Variants in CEP68 observed in about 807,000 individuals in gnomAD.
The protein encoded by CEP68 is centrosomal protein 68.
CEP68 carries 26 observed loss-of-function variants against 55.3 expected under a neutral mutation model. That is an observed-to-expected ratio of 0.47 (90% CI 0.34 to 0.65). CEP68 has a LOEUF of 0.65. Among genes scored for constraint, CEP68 ranks in the 30% least tolerant of loss-of-function variants. The pLI, the probability that CEP68 is intolerant of heterozygous loss-of-function variation, is 0.01. For missense variants in CEP68, 957 were observed against 946.7 expected (o/e 1.01, Z -0.14); for synonymous variants, 402 against 383.2 (o/e 1.05, Z -0.57).
At position 65,072,731 on chromosome 2, in the gene CEP68, C is replaced by G; in HGVS notation, c.1635C>G (p.Leu545=). The G allele has an allele frequency of 6.2e-7, 1 of 1,614,140 alleles. No homozygotes were observed. The highest frequency in any genetic ancestry group is 8.5e-7 in the Non-Finnish European group (1 of 1,180,018). The part of the protein sequence containing the change: ...SQSQLPPGAA[L]QGSGDPEGQN... ...GCCAGCTTCCCCCTGGAGCTGCCCT[C>G]CAAGGATCTGGGGATCCTGAGGGCC... The change falls in exon 3 of 7, where the codon CTC becomes CTG. Residue 545 remains leucine, a synonymous_variant. Coordinates refer to ENST00000377990, the MANE Select transcript of CEP68 (RefSeq NM_015147.3).
Position 65,072,020 on chromosome 2 carries a change from A to G in CEP68, c.924A>G (p.Pro308=). The G allele has an allele frequency of 6.2e-7, 1 of 1,612,116 alleles. No homozygotes were observed. Among genetic ancestry groups the G allele is most frequent in the East Asian group, 2.2e-5 (1 of 44,772 alleles). ...AAGATCTGCTTGACTATACTTACCC[A>G]CTGAGGCCCGGGCCTCAGCTCCCAA... is the stretch of plus-strand genomic sequence containing the variant. ...EYEDLLDYTY[P]LRPGPQLPKH... The change falls in exon 3 of 7, where the codon CCA becomes CCG. Residue 308 remains proline (P), a synonymous_variant. Transcript: ENST00000377990.
rs1256418828 is a variant in CEP68, at chr2:65,074,331, C to T, written c.1934C>T (p.Ala645Val). Residue 645 changes from alanine to valine, a missense_variant, in exon 4 of 7, where the codon GCA (alanine) becomes GTA (valine). By Grantham distance (64) the Ala-to-Val change is moderately conservative. Coordinates refer to ENST00000377990, the MANE Select transcript of CEP68 (RefSeq NM_015147.3). ...CTGATCTGCTGGCTGTATAATGTTG[C>T]AGATGTTACTGACCACGGGACTGCA... is the stretch of plus-strand genomic sequence containing the variant. ...EELICWLYNV[A>V]DVTDHGTAAR... is the part of the protein sequence containing the mutation. 6 of 1,614,226 alleles carry T rather than the reference C, an allele frequency of 3.7e-6. No individual in the cohort carries two copies. The highest frequency in any genetic ancestry group is 5.1e-6 in the Non-Finnish European group (6 of 1,180,038).
At chr2:65,081,336 T>C (rs1244930027) in intron 5 of CEP68, among the ~76,000 whole-genome samples, 1 of 152,230 alleles carries the variant, frequency 6.6e-6, no homozygotes, top group Non-Finnish European at 1.5e-5. Flanking sequence ...GACAGCACTT[T>C]GCCCTGATGA....
rs1676658068 is a variant in CEP68, at chr2:65,074,357, GC to G, written c.1962del (p.Arg655GlyfsTer21). ...VADVTDHGTAARSNLTSLKSS... is the reference protein window; with the variant it reads ...VADVTDHGTAXRSNLTSLKSS... ...AGATGTTACTGACCACGGGACTGCAGCCAGGTCCAATCTTACAAGTCTCAAG... is the reference window on the plus strand; with the variant it reads ...AGATGTTACTGACCACGGGACTGCAGCAGGTCCAATCTTACAAGTCTCAAG... On this transcript the variant is annotated frameshift_variant, in exon 4 of 7. Transcript: ENST00000377990. LOFTEE classifies it high-confidence loss of function. The G allele has an allele frequency of 1.2e-6, 2 of 1,614,200 alleles. No homozygotes were observed. The highest frequency in any genetic ancestry group is 2.7e-5 in the African/African-American group (2 of 75,068).
intron 4 of CEP68, among the ~76,000 whole-genome samples, chr2:65,077,453 G>A (rs1676818950): frequency 1.3e-5 from 2 of 152,212 alleles, no homozygotes; most frequent in South Asian, 2.1e-4. Flanking sequence ...GGAGGGAGGA[G>A]CAGAGGTAGA....
In CEP68 at chr2:65,066,726, CAAAAA is replaced by C. The variant is rs869096839; in HGVS notation, c.-46-2657_-46-2653del. Among the ~76,000 whole-genome samples, 15 of 43,238 alleles carry C rather than the reference CAAAAA, an allele frequency of 3.5e-4. No homozygotes were observed. In the East Asian group the frequency reaches 4.1e-3, roughly 12 times the overall value. The allele number at this position is 43,238 out of a possible 152,430, so 28.4% of individuals were successfully genotyped here. On this transcript the variant is annotated intron_variant, in intron 1 of 6. Transcript: ENST00000377990. ...TGGAAGACAGAGTGAGACTCTGTCT[CAAAAA>C]AAAAAAAAAAAAAAATATATATATA...
intron 3 of CEP68, chr2:65,073,486 T>C (rs1676603377): frequency 5.0e-6 from 1 of 201,510 alleles, no homozygotes; most frequent in Non-Finnish European, 1.0e-5. Context: ...CGGACCATCT[T>C]GTGAACCAAA....
At chr2:65,083,306 T>C (rs1668921951) in intron 6 of CEP68, among the ~76,000 whole-genome samples, 1 of 152,194 alleles carries the variant, frequency 6.6e-6, no homozygotes, top group Non-Finnish European at 1.5e-5. Context: ...CAACTTTCTT[T>C]TGCTCCCTTG....
In CEP68 at chr2:65,086,348, A is replaced by AGAT. The variant is rs916199774; in HGVS notation, c.*2715_*2717dup. The AGAT allele has an allele frequency of 7.2e-5, 11 of 152,222 alleles. No individual in the cohort carries two copies. The highest frequency in any genetic ancestry group is 2.7e-4 in the African/African-American group (11 of 41,450). The allele number at this position is 152,222 out of a possible 1,614,324, so 9.4% of individuals were successfully genotyped here. On this transcript the variant is annotated 3_prime_UTR_variant, in exon 7 of 7. Transcript: ENST00000377990. ...TGGTAATTCCCTTTACTAAGTGAAC[A>AGAT]GATTATTAAAACCTGTAGTAGCTTT...
rs550672490 is a variant in CEP68 at position 65,058,740 on chromosome 2, C to A, written c.-47+2212C>A. Among the ~76,000 whole-genome samples the A allele has an allele frequency of 2.6e-3, 399 of 152,124 alleles. 4 individuals are homozygous for A. The highest frequency in any genetic ancestry group is 4.3e-4 in the Non-Finnish European group (29 of 68,000). ...CAGCCTGGTCTTGAACTCCTGACCT[C>A]AGGTGATCCACCCACTTCAGCCTCC... On this transcript the variant is annotated intron_variant, in intron 1 of 6. Coordinates refer to ENST00000377990, the MANE Select transcript of CEP68 (RefSeq NM_015147.3).
intron 1 of CEP68, among the ~76,000 whole-genome samples, chr2:65,063,958 G>A (rs1268189564): frequency 1.3e-5 from 2 of 152,114 alleles, no homozygotes. Flanking sequence ...GTCTGTCTTG[G>A]TTCTCATAAT....
intron 1 of CEP68, among the ~76,000 whole-genome samples, chr2:65,058,813 C>T (rs1436805644): frequency 6.6e-6 from 1 of 152,066 alleles, no homozygotes; most frequent in African/African-American, 2.4e-5. Flanking sequence ...AGCCTGATGT[C>T]TGATTTTTAA....
chr2:65,076,995 C>CTTT lies in CEP68; in HGVS notation c.2008-856_2008-854dup, dbSNP rs573128823. 2.5e-3 allele frequency among the ~76,000 whole-genome samples: 292 copies of CTTT among 118,262 alleles called. 14 individuals are homozygous for CTTT. The highest frequency in any genetic ancestry group is 8.1e-3 in the African/African-American group (249 of 30,782). 77.6% of individuals were successfully genotyped at this position (118,262 alleles called of 152,430 possible). ...AGGGTGGTCATGGATTTGACTTTAC[C>CTTT]TTTTTTTTTTTTTTTTTTTGAGACG... On this transcript the variant is annotated intron_variant, in intron 4 of 6. Coordinates refer to ENST00000377990, the MANE Select transcript of CEP68 (RefSeq NM_015147.3).
intron 1 of CEP68, among the ~76,000 whole-genome samples, chr2:65,066,554 C>G (rs1373413000): frequency 6.6e-6 from 1 of 151,016 alleles, no homozygotes; most frequent in African/African-American, 2.4e-5. Context: ...ATGGTGAAAC[C>G]CCATCTCTAC....
At chr2:65,069,829 G>T in intron 2 of CEP68, 28 bp downstream of exon 2, 1 of 1,567,232 alleles carries the variant, frequency 6.4e-7, no homozygotes, top group Non-Finnish European at 8.8e-7. Context: ...ACTGTAGATG[G>T]ACCCATTGCT....
chr2:65,075,729 G>A (rs1035821270), intron 4 of CEP68, among the ~76,000 whole-genome samples: 3 of 152,176 alleles, frequency 2.0e-5, no homozygotes, highest in Non-Finnish European at 4.4e-5. Flanking sequence ...ATCTCTTCAT[G>A]AAGAAGCAGA....
rs759272372 is a variant in CEP68 at position 65,072,684 on chromosome 2, T to C, written c.1588T>C (p.Phe530Leu). 32 of 1,614,010 alleles carry C rather than the reference T, an allele frequency of 2.0e-5. No homozygotes were observed. Among genetic ancestry groups the C allele is most frequent in the Non-Finnish European group, 2.5e-5 (30 of 1,180,024 alleles). Residue 530 changes from phenylalanine (F) to leucine (L), a missense_variant, in exon 3 of 7, where the codon TTC becomes CTC. Transcript: ENST00000377990. ...GTCAGACAGTGATGGGCCAGCTTCC[T>C]TCCCTTCAAGCTCCAGCCAAAGCCA... ...EVSDSDGPAS[F>L]PSSSSQSQLP... is the part of the protein sequence containing the mutation.
chr2:65,064,059 A>G (rs1183665606), intron 1 of CEP68, among the ~76,000 whole-genome samples: 1 of 152,208 alleles, frequency 6.6e-6, no homozygotes, highest in Non-Finnish European at 1.5e-5. Context: ...GAAAGTAACT[A>G]CCTTCATTCC....
Position 65,074,764 on chromosome 2 carries a change from A to ACC in CEP68, c.2007+369_2007+370dup, listed in dbSNP as rs145470320. 1.4e-3 allele frequency: 284 copies of ACC among 202,924 alleles called. 1 individual carries two copies. Among genetic ancestry groups the ACC allele is most frequent in the African/African-American group, 1.9e-3 (71 of 38,088 alleles). The allele number at this position is 202,924 out of a possible 1,614,324, so 12.6% of individuals were successfully genotyped here. On this transcript the variant is annotated intron_variant, in intron 4 of 6. Coordinates refer to ENST00000377990, the MANE Select transcript of CEP68 (RefSeq NM_015147.3). ...AGTACAGCCTGAGCAACATAGCAAG[A>ACC]CCCCCCCCCCTCAAAAAAAAGTTTT...
Sources: allele counts gnomAD v4.1 joint callset (sites outside exome capture counted in the v4.1 genomes callset), GRCh38; gene constraint gnomAD v4.1.1; transcripts MANE v1.5; gene names NCBI Gene and HGNC (gene_info 2026-07-23, HGNC 2026-07-21).